Variants in NECAP1 observed in about 807,000 individuals in gnomAD.
The protein encoded by NECAP1 is adaptin ear-binding coat-associated protein 1.
In NECAP1, 13 loss-of-function variants were observed where a neutral mutation model predicts 33.4. The ratio of observed to expected loss-of-function variants is 0.39; its 90% CI spans 0.25 to 0.62. The LOEUF (loss-of-function observed/expected upper bound fraction) is 0.62. Among genes scored for constraint, NECAP1 ranks in the 20% least tolerant of loss-of-function variants. NECAP1 has a pLI of 0.52. For synonymous variants in NECAP1, 109 were observed against 125.2 expected (o/e 0.87, Z 0.86); for missense variants, 272 against 347.4 (o/e 0.78, Z 1.73).
At position 8,082,774 on chromosome 12, in the gene NECAP1, T is replaced by TCTCA. The variant is rs1400408491; in HGVS notation, c.95+392_95+393insTCAC. 464 of 141,636 alleles carry TCTCA rather than the reference T, an allele frequency of 3.3e-3. 5 individuals carry two copies. Among genetic ancestry groups the TCTCA allele is most frequent in the African/African-American group, 0.011 (397 of 34,688 alleles). The allele number at this position is 141,636 out of a possible 1,614,324, so 8.8% of individuals were successfully genotyped here. A position where few individuals can be genotyped will look rare whatever the true frequency, so the allele number is the denominator to read the frequency against. On this transcript the variant is annotated intron_variant, in intron 1 of 7. Coordinates refer to ENST00000339754, the MANE Select transcript of NECAP1 (RefSeq NM_015509.4). Reference sequence around the variant, plus strand: ...CTCATCCTTTCTCTCTCTCTCTCTCTCACACACACACACACACACACACAC... The same window carrying TCTCA: ...CTCATCCTTTCTCTCTCTCTCTCTCTCTCACACACACACACACACACACACACAC...
At chr12:8,093,197 A>G in intron 6 of NECAP1, 142 bp downstream of exon 6, 1 of 796,258 alleles carries the variant, frequency 1.3e-6, no homozygotes, top group Non-Finnish European at 1.9e-6. Flanking sequence ...CTAGCAAGGA[A>G]TCAAAGCTTT....
chr12:8,083,421 CTTTTTTTTT>C (rs71042328), intron 1 of NECAP1, among the ~76,000 whole-genome samples: 5 of 65,844 alleles, frequency 7.6e-5, no homozygotes, highest in South Asian at 7.4e-4. Flanking sequence ...TTTGTTTGTT[CTTTTTTTTT>C]TTTTTTTTTT....
In NECAP1 at chr12:8,082,384, G is replaced by C. The variant is rs1474671145; in HGVS notation, c.95+1G>C. 1.2e-6 allele frequency: 2 copies of C among 1,613,072 alleles called. No individual in the cohort carries two copies. Among genetic ancestry groups the C allele is most frequent in the African/African-American group, 2.7e-5 (2 of 74,994 alleles). ...CCCGGGCCTCCAACCGCGGTTACAGGTACTAACCCCGAGGCGCTGCCGCAC... is the reference window on the plus strand; with the variant it reads ...CCCGGGCCTCCAACCGCGGTTACAGCTACTAACCCCGAGGCGCTGCCGCAC... On this transcript the variant is annotated splice_donor_variant, in intron 1 of 7. Coordinates refer to ENST00000339754, the MANE Select transcript of NECAP1 (RefSeq NM_015509.4). LOFTEE classifies it high-confidence loss of function.
rs915001249 is a variant in NECAP1, at chr12:8,097,771, G to A, written c.*1681G>A. 6.6e-6 allele frequency: 1 copy of A among 152,574 alleles called. No individual in the cohort carries two copies. The highest frequency in any genetic ancestry group is 1.5e-5 in the Non-Finnish European group (1 of 68,022). The allele number at this position is 152,574 out of a possible 1,614,324, so 9.5% of individuals were successfully genotyped here. On this transcript the variant is annotated 3_prime_UTR_variant, in exon 8 of 8. Transcript: ENST00000339754. ...TGGTAATTAAAAATATGAAAAAAGT[G>A]TCTCTTTTATCTTTTAATTTGCTTA...
At chr12:8,095,772 C>A in intron 7 of NECAP1, 69 bp downstream of exon 7, 1 of 1,445,866 alleles carries the variant, frequency 6.9e-7, no homozygotes, top group South Asian at 1.1e-5. Context: ...CAATTGAAAT[C>A]TTTGATCTGG....
intron 1 of NECAP1, among the ~76,000 whole-genome samples, chr12:8,085,299 T>G (rs896545909): frequency 6.6e-6 from 1 of 151,438 alleles, no homozygotes; most frequent in Non-Finnish European, 1.5e-5. Flanking sequence ...ATTACAGGCG[T>G]GAGCCACCGC....
At chr12:8,082,740 C>A in intron 1 of NECAP1, 4 of 236,896 alleles carry the variant, frequency 1.7e-5, no homozygotes, top group Non-Finnish European at 2.6e-5. Flanking sequence ...CGTCCTTCAG[C>A]TTATCATCCT....
In NECAP1 at chr12:8,095,696, G is replaced by T; in HGVS notation, c.772G>T (p.Ala258Ser). The T allele has an allele frequency of 6.2e-7, 1 of 1,610,352 alleles. No homozygotes were observed. Among genetic ancestry groups the T allele is most frequent in the South Asian group, 1.1e-5 (1 of 90,972 alleles). ...TGACTTGTGGGGAGACTTCAGCACT[G>T]CCTCCAGGTAATGGGCATAGTGAAA... ...SNDLWGDFST[A>S]SSSVPNQAPQ... The change falls in exon 7 of 8, where the codon GCC becomes TCC. Residue 258 changes from alanine to serine, a missense_variant. Transcript: ENST00000339754.
chr12:8,092,622 C>T, intron 4 of NECAP1, 54 bp from the exon 5 acceptor site: 1 of 1,368,700 alleles, frequency 7.3e-7, no homozygotes, highest in Non-Finnish European at 1.0e-6. Context: ...ATTTGTATGT[C>T]AGACTCTGCT....
At chr12:8,091,891 T>C (rs770017576) in intron 4 of NECAP1, 41 bp downstream of exon 4, 3 of 1,533,916 alleles carry the variant, frequency 2.0e-6, no homozygotes, top group African/African-American at 1.4e-5. Flanking sequence ...TGAATGCTTA[T>C]AGGAATGCTG....
intron 1 of NECAP1, 90 bp from the exon 2 acceptor site, chr12:8,089,846 G>T: frequency 1.0e-6 from 1 of 956,900 alleles, no homozygotes; most frequent in Non-Finnish European, 1.7e-6. Context: ...GGCAATCCAG[G>T]ATAGGGAAAT....
Position 8,092,662 on chromosome 12 carries a change from C to G in NECAP1, c.384-14C>G. 1 of 1,587,974 alleles carries G rather than the reference C, an allele frequency of 6.3e-7. No homozygotes were observed. Among genetic ancestry groups the G allele is most frequent in the Non-Finnish European group, 8.6e-7 (1 of 1,159,470 alleles). On this transcript the variant is annotated splice_polypyrimidine_tract_variant and intron_variant, in intron 4 of 7. Transcript: ENST00000339754. ...GGAAATCTCAAACTAAGATAACTTG[C>G]TGTGTTCCCAAAGGTGGGTAAAGCA...
At chr12:8,084,080 C>A (rs1014781350) in intron 1 of NECAP1, among the ~76,000 whole-genome samples, 1 of 152,120 alleles carries the variant, frequency 6.6e-6, no homozygotes, top group South Asian at 2.1e-4. Flanking sequence ...CCCACATCAT[C>A]ATTGTGATTT....
intron 1 of NECAP1, among the ~76,000 whole-genome samples, chr12:8,085,247 T>C (rs1947476557): frequency 6.6e-6 from 1 of 152,200 alleles, no homozygotes; most frequent in Admixed American, 6.5e-5. Flanking sequence ...CTCAAACTCT[T>C]GACCTCGTGA....
intron 1 of NECAP1, among the ~76,000 whole-genome samples, 184 bp downstream of exon 1, chr12:8,082,567 AT>A (rs1947449742): frequency 9.9e-6 from 1 of 101,474 alleles, no homozygotes; most frequent in African/African-American, 3.9e-5. Flanking sequence ...TCATCACCAT[AT>A]TTCTGCCGTT....
At position 8,092,728 on chromosome 12, in the gene NECAP1, C is replaced by T. The variant is rs1016693316; in HGVS notation, c.436C>T (p.Arg146Cys). The change falls in exon 5 of 8, where the codon CGT becomes TGT. Residue 146 changes from arginine to cysteine, a missense_variant. Transcript: ENST00000339754. Reference sequence around the variant, plus strand: ...CAAGGAATCTCAAGAAATGGATGCTCGTCCTAAGTTGGATCTGGGCTTCAA... The same window carrying T: ...CAAGGAATCTCAAGAAATGGATGCTTGTCCTAAGTTGGATCTGGGCTTCAA... The part of the protein sequence containing the change: ...ISKESQEMDA[R>C]PKLDLGFKEG... The T allele has an allele frequency of 2.4e-5, 38 of 1,613,698 alleles. No homozygotes were observed. Among genetic ancestry groups the T allele is most frequent in the African/African-American group, 4.0e-5 (3 of 74,916 alleles).
intron 7 of NECAP1, 129 bp from the exon 8 acceptor site, chr12:8,095,913 T>A: frequency 7.9e-7 from 1 of 1,261,668 alleles, no homozygotes; most frequent in Non-Finnish European, 1.1e-6. Flanking sequence ...CAGGCCTTTG[T>A]AAGTAGAATT....
intron 6 of NECAP1, chr12:8,095,235 ATTTT>A (rs35905417): frequency 5.3e-5 from 6 of 112,368 alleles, no homozygotes; most frequent in Admixed American, 3.0e-4. Flanking sequence ...CATCTCCAAG[ATTTT>A]TTTTTTTTTT....
At chr12:8,094,250 C>T (rs897306727) in intron 6 of NECAP1, among the ~76,000 whole-genome samples, 3 of 152,054 alleles carry the variant, frequency 2.0e-5, no homozygotes, top group African/African-American at 7.2e-5. Context: ...TTGAGATAAT[C>T]GTAGATTAAC....
Sources: allele counts gnomAD v4.1 joint callset (sites outside exome capture counted in the v4.1 genomes callset), GRCh38; gene constraint gnomAD v4.1.1; transcripts MANE v1.5; gene names NCBI Gene and HGNC (gene_info 2026-07-23, HGNC 2026-07-21).